The following USP39 variants were observed in gnomAD, a reference collection of about 807,000 sequenced individuals.
USP39 encodes ubiquitin carboxyl-terminal hydrolase 39.
A neutral mutation model predicts 66.4 loss-of-function variants in USP39; 38 were observed. That is an observed-to-expected ratio of 0.57 (90% CI 0.44 to 0.75). The LOEUF (loss-of-function observed/expected upper bound fraction) is 0.75, where lower values mean the gene tolerates loss of function less well. Ranked by LOEUF, USP39 falls within the 30% of genes least tolerant of loss-of-function variation. The pLI is 0.00. For missense variants in USP39, 608 were observed against 714.4 expected, an observed-to-expected ratio of 0.85 and a Z score of 1.70; for synonymous variants, 303 against 274.6, an observed-to-expected ratio of 1.10 and a Z score of -1.02.
chr2:85,632,069 T>C (rs1675392124), intron 6 of USP39, among the ~76,000 whole-genome samples: 1 of 152,122 alleles, frequency 6.6e-6, no homozygotes, highest in Non-Finnish European at 1.5e-5. Flanking sequence ...ACTGTTTTTT[T>C]CTCTCCAAAC....
At chr2:85,632,939 G>GA (rs1295587361) in intron 6 of USP39, among the ~76,000 whole-genome samples, 2 of 152,046 alleles carry the variant, frequency 1.3e-5, no homozygotes. Flanking sequence ...AGGTAGAGAG[G>GA]ACATGGTGGG....
Position 85,623,658 on chromosome 2 carries a change from A to G in USP39, c.446A>G (p.Lys149Arg). ...CCCTTCCCTACAGGCCGGGGTTTGA[A>G]GTCTCACGCCTACATTCACAGTGTC... ...CGKYFQGRGL[K>R]SHAYIHSVQF... is the part of the protein sequence containing the mutation. The change falls in exon 4 of 13, where the codon AAG (lysine) becomes AGG (arginine). Residue 149 changes from lysine (K) to arginine (R), a missense_variant. Around this residue, in one of 6 missense-constraint regions of USP39, gnomAD observed 115 missense variants for 198.6 expected, o/e 0.58. Transcript: ENST00000323701. 6.2e-7 allele frequency: 1 copy of G among 1,612,996 alleles called. No individual in the cohort carries two copies. The highest frequency in any genetic ancestry group is 2.2e-5 in the East Asian group (1 of 44,764).
chr2:85,640,329 C>A (rs1223639216), intron 9 of USP39, among the ~76,000 whole-genome samples: 1 of 150,916 alleles, frequency 6.6e-6, no homozygotes, highest in African/African-American at 2.4e-5. Flanking sequence ...CACTCTGTTG[C>A]CTAGGCTGGA....
rs1387700726 is a variant in USP39 at position 85,616,452 on chromosome 2, G to T, written c.257G>T (p.Arg86Leu). The change falls in exon 1 of 13, where the codon CGG becomes CTG. Residue 86 changes from arginine to leucine, a missense_variant. Arg to Leu is a moderately radical substitution (Grantham distance 102). Transcript: ENST00000323701. Reference sequence around the variant, plus strand: ...GTCGATGAGGACTCGGAGCCTGAGCGGGAGGTGCGAGGTGCGCGGGGCCGG... The same window carrying T: ...GTCGATGAGGACTCGGAGCCTGAGCTGGAGGTGCGAGGTGCGCGGGGCCGG... ...REVDEDSEPE[R>L]EVRAKNGRVD... 1.3e-6 allele frequency: 2 copies of T among 1,554,130 alleles called. No homozygotes were observed. Among genetic ancestry groups the T allele is most frequent in the Non-Finnish European group, 8.7e-7 (1 of 1,144,948 alleles).
In USP39 at chr2:85,648,824, C is replaced by A; in HGVS notation, c.*16C>A. ...GGGGGCTTGAAGGAGGCGTCTAGGGCTTTGCTCCCAAGGGCTGTGGCTGAT... is the reference window on the plus strand; with the variant it reads ...GGGGGCTTGAAGGAGGCGTCTAGGGATTTGCTCCCAAGGGCTGTGGCTGAT... On this transcript the variant is annotated 3_prime_UTR_variant, in exon 13 of 13. Transcript: ENST00000323701. 1 of 1,613,990 alleles carries A rather than the reference C, an allele frequency of 6.2e-7. No homozygotes were observed. Among genetic ancestry groups the A allele is most frequent in the African/African-American group, 1.3e-5 (1 of 75,020 alleles).
chr2:85,621,692 C>A (rs914156472), intron 3 of USP39, 113 bp downstream of exon 3: 1 of 862,530 alleles, frequency 1.2e-6, no homozygotes, highest in African/African-American at 1.7e-5. Context: ...TATTTGTTCC[C>A]AGGAAATTGA....
intron 10 of USP39, among the ~76,000 whole-genome samples, chr2:85,643,493 CAA>C (rs1365636402): frequency 1.6e-5 from 2 of 129,012 alleles, no homozygotes; most frequent in African/African-American, 2.9e-5. Flanking sequence ...GACTCTGTCT[CAA>C]AAAAAAAAAA....
intron 10 of USP39, among the ~76,000 whole-genome samples, chr2:85,644,398 A>G (rs996319727): frequency 1.3e-5 from 2 of 151,886 alleles, no homozygotes; most frequent in African/African-American, 2.4e-5. Context: ...TTAACTGTCT[A>G]TATATTTTCC....
chr2:85,625,880 T>G (rs760755008), intron 5 of USP39, among the ~76,000 whole-genome samples, 189 bp downstream of exon 5: 3 of 150,800 alleles, frequency 2.0e-5, no homozygotes, highest in Non-Finnish European at 4.4e-5. Flanking sequence ...TAGCTAGATA[T>G]GGTGGTGGAA....
chr2:85,639,427 C>G (rs368759064), intron 9 of USP39, 36 bp downstream of exon 9: 3 of 1,535,026 alleles, frequency 2.0e-6, no homozygotes, highest in East Asian at 2.3e-5. Flanking sequence ...CCTATACTTA[C>G]CCTCGCTCTC....
chr2:85,626,223 G>T (rs947857337), intron 5 of USP39, among the ~76,000 whole-genome samples: 1 of 152,050 alleles, frequency 6.6e-6, no homozygotes, highest in Non-Finnish European at 1.5e-5. Flanking sequence ...GCCGGGCTTG[G>T]TGGTGCATGC....
chr2:85,629,434 C>G (rs1263445843), intron 5 of USP39, among the ~76,000 whole-genome samples: 3 of 151,926 alleles, frequency 2.0e-5, no homozygotes, highest in African/African-American at 7.3e-5. Context: ...TAGTTTTTAT[C>G]TTTCTGCTTA....
rs1673059256 is a variant in USP39 at position 85,602,925 on chromosome 2, G to A, written n.70G>A. 6.6e-6 allele frequency: 1 copy of A among 152,360 alleles called. No individual in the cohort carries two copies. Among genetic ancestry groups the A allele is most frequent in the Admixed American group, 6.5e-5 (1 of 15,292 alleles). 9.4% of individuals were successfully genotyped at this position (152,360 alleles called of 1,614,324 possible). On this transcript the variant is annotated non_coding_transcript_exon_variant, in exon 1 of 13. Transcript: ENST00000459775. The surrounding 1 kb of genome is among the most constrained non-coding windows in gnomAD (Gnocchi z 5.6). ...GACCGCTCTAAAACCGAGATGACTA[G>A]AGGTTCCGTTTAACCGATTCCTGCC...
intron 1 of USP39, chr2:85,606,528 T>C (rs1673219681): frequency 6.6e-6 from 1 of 152,236 alleles, no homozygotes; most frequent in African/African-American, 2.4e-5. Flanking sequence ...GAGAGGGCAG[T>C]AGCATCTCCG....
At chr2:85,639,074 C>G (rs1170423085) in intron 8 of USP39, 129 bp from the exon 9 acceptor site, 3 of 925,126 alleles carry the variant, frequency 3.2e-6, no homozygotes, top group African/African-American at 3.4e-5. Flanking sequence ...GCCAAACTGC[C>G]CAATCTCTCG....
intron 10 of USP39, among the ~76,000 whole-genome samples, chr2:85,642,981 A>T (rs548476193): frequency 6.6e-6 from 1 of 152,010 alleles, no homozygotes; most frequent in Admixed American, 6.6e-5. Context: ...TCACATCTGT[A>T]ATGTCATCAC....
chr2:85,631,838 T>C (rs930466772), intron 6 of USP39, among the ~76,000 whole-genome samples: 2 of 152,064 alleles, frequency 1.3e-5, no homozygotes, highest in African/African-American at 2.4e-5. Flanking sequence ...AACCTCTGCC[T>C]CCTGGGTTCA....
At chr2:85,612,289 C>T (rs552181127), upstream of USP39, 45 of 1,534,150 alleles carry the variant, frequency 2.9e-5, no homozygotes, top group South Asian at 4.8e-4. Context: ...GATACCAGAA[C>T]CTTCAGAAAA....
intron 1 of USP39, 75 bp from the exon 2 acceptor site, chr2:85,619,145 T>G: frequency 6.6e-7 from 1 of 1,513,624 alleles, no homozygotes; most frequent in Non-Finnish European, 9.1e-7. Context: ...CCATTTCTGT[T>G]TCTTTTTTTG....
Sources: allele counts gnomAD v4.1 joint callset (sites outside exome capture counted in the v4.1 genomes callset), GRCh38; gene constraint gnomAD v4.1.1; regional missense constraint gnomAD v4.1.1; non-coding constraint Gnocchi (gnomAD v3.1); transcripts MANE v1.5; gene names NCBI Gene and HGNC (gene_info 2026-07-23, HGNC 2026-07-21).